Variants in TFEC observed in about 807,000 individuals in gnomAD.
TFEC encodes the protein class E basic helix-loop-helix protein 34.
Under a neutral mutation model 41.6 loss-of-function variants are expected in TFEC, and 31 were observed. The ratio of observed to expected loss-of-function variants is 0.74; its 90% CI spans 0.56 to 1.01. TFEC has a LOEUF of 1.01. TFEC is among the 50% of genes least tolerant of loss of function. The pLI, the probability that TFEC is intolerant of heterozygous loss-of-function variation, is 0.00. For missense variants in TFEC, 402 were observed against 404.1 expected, an observed-to-expected ratio of 0.99 and a Z score of 0.04; for synonymous variants, 143 against 140.6, an observed-to-expected ratio of 1.02 and a Z score of -0.12.
At chr7:116,125,172 T>A (rs894630487) in intron 1 of TFEC, among the ~76,000 whole-genome samples, 2 of 152,300 alleles carry the variant, frequency 1.3e-5, no homozygotes, top group South Asian at 4.1e-4. Flanking sequence ...ATGAAATTAC[T>A]TGATGAAAGA....
chr7:116,123,075 T>C (rs901260662), intron 1 of TFEC, among the ~76,000 whole-genome samples: 1 of 152,054 alleles, frequency 6.6e-6, no homozygotes, highest in Non-Finnish European at 1.5e-5. Context: ...CATATATCCA[T>C]AGTTATGAAT....
At chr7:116,102,553 G>T (rs1210969071) in intron 3 of TFEC, among the ~76,000 whole-genome samples, 1 of 152,162 alleles carries the variant, frequency 6.6e-6, no homozygotes, top group African/African-American at 2.4e-5. Context: ...AAGGAGGATA[G>T]ATTTGAGAAC....
At chr7:116,026,220 T>C (rs1298372238) in intron 1 of TFEC, among the ~76,000 whole-genome samples, 1 of 152,242 alleles carries the variant, frequency 6.6e-6, no homozygotes, top group African/African-American at 2.4e-5. Context: ...TATGCCATGC[T>C]TTTCACAACT....
intron 3 of TFEC, among the ~76,000 whole-genome samples, chr7:116,100,689 T>A (rs778664244): frequency 9.2e-5 from 14 of 152,086 alleles, no homozygotes; most frequent in Non-Finnish European, 1.5e-4. Flanking sequence ...ATTCCAATAT[T>A]CCTATGAGCT....
chr7:116,031,316 G>A (rs1795776514), upstream of TFEC, among the ~76,000 whole-genome samples: 1 of 151,928 alleles, frequency 6.6e-6, no homozygotes, highest in Non-Finnish European at 1.5e-5. Context: ...ATCTTCCCAT[G>A]TAGATTAAAA....
intron 3 of TFEC, among the ~76,000 whole-genome samples, chr7:116,087,107 G>C (rs1290712708): frequency 6.6e-6 from 1 of 151,890 alleles, no homozygotes; most frequent in Non-Finnish European, 1.5e-5. Context: ...ATTGATTAGA[G>C]ATCAGGGGAG....
At position 116,148,909 on chromosome 7, in the gene TFEC, A is replaced by G. The variant is rs371353378; in HGVS notation, c.-69+10881T>C. On this transcript the variant is annotated intron_variant, in intron 1 of 8. Coordinates refer to the TFEC transcript ENST00000484212. ...AGAAGGACTGTAGATACAGAAAAAA[A>G]AAAAATGGCCCAAAGACTAATCTCT... 3.1e-3 allele frequency among the ~76,000 whole-genome samples: 477 copies of G among 152,240 alleles called. 1 individual carries two copies. The highest frequency in any genetic ancestry group is 0.011 in the African/African-American group (457 of 41,542).
intron 3 of TFEC, among the ~76,000 whole-genome samples, chr7:116,071,406 G>A (rs1796824811): frequency 6.6e-6 from 1 of 150,694 alleles, no homozygotes. Flanking sequence ...GGCAACTCAG[G>A]TAGATAGCAA....
At chr7:116,064,403 AAT>A (rs1207199399) in intron 3 of TFEC, among the ~76,000 whole-genome samples, 1 of 151,188 alleles carries the variant, frequency 6.6e-6, no homozygotes, top group African/African-American at 2.4e-5. Context: ...TATTTTTAAA[AAT>A]ATATCTTTTA....
intron 1 of TFEC, among the ~76,000 whole-genome samples, chr7:116,122,218 G>A (rs1461581396): frequency 1.3e-5 from 2 of 152,028 alleles, no homozygotes; most frequent in Non-Finnish European, 2.9e-5. Flanking sequence ...ATGTTACTGT[G>A]ATTAAGCACT....
At chr7:115,987,093 A>G (rs1381907843) in intron 1 of TFEC, among the ~76,000 whole-genome samples, 1 of 152,152 alleles carries the variant, frequency 6.6e-6, no homozygotes, top group Non-Finnish European at 1.5e-5. Context: ...AAAATATAGT[A>G]TGGGACTAAC....
At chr7:116,085,492 G>A (rs1015132813) in intron 3 of TFEC, among the ~76,000 whole-genome samples, 1 of 151,740 alleles carries the variant, frequency 6.6e-6, no homozygotes, top group Admixed American at 6.6e-5. Flanking sequence ...TTGACCAAAT[G>A]GATTGTATTT....
At chr7:116,135,474 C>T (rs1798415722) in intron 1 of TFEC, among the ~76,000 whole-genome samples, 2 of 152,126 alleles carry the variant, frequency 1.3e-5, no homozygotes, top group African/African-American at 4.8e-5. Context: ...ATGACCTCTT[C>T]TCCTCATTAA....
At chr7:116,121,859 G>C (rs1798114440) in intron 1 of TFEC, among the ~76,000 whole-genome samples, 1 of 151,820 alleles carries the variant, frequency 6.6e-6, no homozygotes, top group Admixed American at 6.6e-5. Context: ...CAAATGGAAA[G>C]GAAAAAGCAC....
intron 3 of TFEC, among the ~76,000 whole-genome samples, chr7:116,107,935 G>C (rs1415860937): frequency 1.3e-5 from 2 of 152,130 alleles, no homozygotes; most frequent in African/African-American, 2.4e-5. Context: ...CATGATGCTT[G>C]TCCCATAGCA....
chr7:116,152,979 C>T (rs1584578559), intron 1 of TFEC, among the ~76,000 whole-genome samples: 1 of 151,934 alleles, frequency 6.6e-6, no homozygotes, highest in African/African-American at 2.4e-5. Context: ...CTACTATGAC[C>T]CCACACCATA....
At chr7:116,153,339 C>T (rs937490408) in intron 1 of TFEC, among the ~76,000 whole-genome samples, 58 of 152,102 alleles carry the variant, frequency 3.8e-4, no homozygotes, top group South Asian at 6.2e-4. Context: ...CACTGCAATC[C>T]GCCTCCTGTG....
At chr7:116,062,858 G>A (rs1428613333) in intron 3 of TFEC, among the ~76,000 whole-genome samples, 1 of 151,848 alleles carries the variant, frequency 6.6e-6, no homozygotes. Flanking sequence ...AATGTTTAAT[G>A]GTATAATCAC....
At chr7:116,027,953 A>T (rs1795647871) in intron 1 of TFEC, among the ~76,000 whole-genome samples, 2 of 152,264 alleles carry the variant, frequency 1.3e-5, no homozygotes. Flanking sequence ...CAGAAACCTA[A>T]CGGGTCTTTA....
Sources: gnomAD v4.1 joint callset for allele counts (sites outside exome capture counted in the v4.1 genomes callset) on GRCh38, gnomAD v4.1.1 for gene constraint, MANE v1.5 for transcripts, NCBI Gene and HGNC (gene_info 2026-07-23, HGNC 2026-07-21) for gene names.